The following TAFA4 variants were observed in gnomAD, a reference collection of about 807,000 sequenced individuals.
TAFA4 encodes chemokine-like protein TAFA-4.
A neutral mutation model predicts 21.1 loss-of-function variants in TAFA4; 20 were observed. That is an observed-to-expected ratio of 0.95 (90% confidence interval 0.67 to 1.38). The LOEUF is 1.38. TAFA4 is among the 40% of genes most tolerant of loss of function. The probability of loss-of-function intolerance (pLI) is 0.00; values close to 1 mark genes in which losing one functional copy is unlikely to be tolerated. For synonymous variants in TAFA4, 71 were observed against 67.4 expected, an observed-to-expected ratio of 1.05 and a Z score of -0.26; for missense variants, 211 against 180.9, an observed-to-expected ratio of 1.17 and a Z score of -0.95.
intron 4 of TAFA4, 136 bp from the exon 5 acceptor site, chr3:68,739,335 C>A: frequency 9.5e-7 from 1 of 1,055,610 alleles, no homozygotes; most frequent in Non-Finnish European, 1.4e-6. Context: ...TGAAGGAATC[C>A]AATCAGGCAT....
rs1226688482 is a variant in TAFA4 at position 68,850,468 on chromosome 3, A to G, written c.130+30262T>C. 3.3e-5 allele frequency among the ~76,000 whole-genome samples: 5 copies of G among 152,312 alleles called. No individual in the cohort carries two copies. The South Asian group carries it at 8.3e-4, about 25-fold the overall frequency. On this transcript the variant is annotated intron_variant, in intron 3 of 5. Transcript: ENST00000295569. ...GGTTCCAGATCTTAGAGGAATCACA[A>G]TACTGTCTTCCACAATGGTTGAACT...
chr3:68,844,729 A>G (rs1344386157), intron 3 of TAFA4, among the ~76,000 whole-genome samples: 1 of 152,138 alleles, frequency 6.6e-6, no homozygotes, highest in Non-Finnish European at 1.5e-5. Context: ...CTTTGTTCCC[A>G]TCGGTTTCAA....
intron 3 of TAFA4, among the ~76,000 whole-genome samples, chr3:68,852,002 C>A (rs1163258364): frequency 2.0e-5 from 3 of 152,088 alleles, no homozygotes; most frequent in Non-Finnish European, 4.4e-5. Context: ...TGGGTGGGAG[C>A]CCAGGAATAT....
Position 68,883,298 on chromosome 3 carries a change from T to G in TAFA4, c.14+1877A>C, listed in dbSNP as rs76696603. Among the ~76,000 whole-genome samples the G allele has an allele frequency of 5.1e-3, 774 of 152,342 alleles. 6 individuals are homozygous for G. The East Asian group carries it at 0.051, about 10-fold the overall frequency. On this transcript the variant is annotated intron_variant, in intron 2 of 5. Coordinates refer to ENST00000295569, the MANE Select transcript of TAFA4 (RefSeq NM_182522.5). ...TGACCAGGAACTGCTCTCAAGCCCT[T>G]CATGTCTTTGCCACATGGCCCCTGC...
chr3:68,861,732 T>C (rs930798970), intron 3 of TAFA4, among the ~76,000 whole-genome samples: 3 of 151,822 alleles, frequency 2.0e-5, no homozygotes, highest in African/African-American at 4.8e-5. Context: ...ACTTCAAACA[T>C]TCACTTACTT....
At chr3:68,747,801 T>C (rs1053590573) in intron 4 of TAFA4, among the ~76,000 whole-genome samples, 4 of 152,304 alleles carry the variant, frequency 2.6e-5, no homozygotes, top group East Asian at 1.9e-4. Context: ...CTCTTTTTTA[T>C]TGGCACACTC....
At chr3:68,863,675 C>G (rs911427366) in intron 3 of TAFA4, among the ~76,000 whole-genome samples, 2 of 152,112 alleles carry the variant, frequency 1.3e-5, no homozygotes, top group Non-Finnish European at 2.9e-5. Flanking sequence ...GGTTGATATT[C>G]TTATTATTCA....
intron 3 of TAFA4, among the ~76,000 whole-genome samples, chr3:68,758,260 G>A (rs1702696244): frequency 6.6e-6 from 1 of 152,158 alleles, no homozygotes; most frequent in Admixed American, 6.5e-5. Context: ...TTAGAAATTT[G>A]TGTATTGGTG....
chr3:68,914,917 A>G (rs545822980), intron 1 of TAFA4, among the ~76,000 whole-genome samples: 162 of 152,360 alleles, frequency 1.1e-3, no homozygotes, highest in African/African-American at 3.7e-3. Flanking sequence ...TTCATATTTC[A>G]GTATTCATAA....
intron 3 of TAFA4, among the ~76,000 whole-genome samples, chr3:68,760,839 C>T (rs958511075): frequency 3.9e-5 from 6 of 152,144 alleles, no homozygotes; most frequent in Non-Finnish European, 7.3e-5. Flanking sequence ...GTGTAGAAGA[C>T]GATAGTAGCC....
chr3:68,897,672 A>T (rs1327840251), intron 1 of TAFA4, among the ~76,000 whole-genome samples: 1 of 152,138 alleles, frequency 6.6e-6, no homozygotes, highest in Non-Finnish European at 1.5e-5. Flanking sequence ...CATTTCAATG[A>T]TTATTCTTAA....
chr3:68,831,821 A>G (rs555712016), intron 3 of TAFA4, among the ~76,000 whole-genome samples: 78 of 152,308 alleles, frequency 5.1e-4, no homozygotes, highest in African/African-American at 1.8e-3. Context: ...AGGTACACCA[A>G]TTAAATGTAG....
At chr3:68,921,895 C>A (rs146987131) in intron 1 of TAFA4, among the ~76,000 whole-genome samples, 1 of 152,276 alleles carries the variant, frequency 6.6e-6, no homozygotes, top group Non-Finnish European at 1.5e-5. Context: ...AACAACTATG[C>A]AATTCTTATT....
intron 3 of TAFA4, among the ~76,000 whole-genome samples, chr3:68,858,577 C>CGTGTGTGTGTGTGTGTGTGTGT (rs4065047): frequency 1.4e-5 from 2 of 146,058 alleles, no homozygotes; most frequent in Non-Finnish European, 3.0e-5. Context: ...TTCCAAGTGA[C>CGTGTGTGTGTGTGTGTGTGTGT]GTGTGTGTGT....
At chr3:68,825,682 A>G (rs1704212901) in intron 3 of TAFA4, among the ~76,000 whole-genome samples, 1 of 152,246 alleles carries the variant, frequency 6.6e-6, no homozygotes, top group Admixed American at 6.5e-5. Context: ...AGCATAACTC[A>G]TAAGAATGAA....
At chr3:68,871,720 C>T (rs181724155) in intron 3 of TAFA4, among the ~76,000 whole-genome samples, 3 of 152,130 alleles carry the variant, frequency 2.0e-5, no homozygotes, top group Admixed American at 2.0e-4. Context: ...TAAAAACCAT[C>T]CAGTTTTAAA....
rs117783824 is a variant in TAFA4, at chr3:68,870,680, G to A, written c.130+10050C>T. Among the ~76,000 whole-genome samples, 49 of 152,080 alleles carry A rather than the reference G, an allele frequency of 3.2e-4. No individual in the cohort carries two copies. In the East Asian group the frequency reaches 7.9e-3, roughly 25 times the overall value. ...GGTTTGCTGCATCTATCAGCCAACCGTCTAGGTTTTAAGCCCGGCATGCAT... is the reference window on the plus strand; with the variant it reads ...GGTTTGCTGCATCTATCAGCCAACCATCTAGGTTTTAAGCCCGGCATGCAT... On this transcript the variant is annotated intron_variant, in intron 3 of 5. Coordinates refer to ENST00000295569, the MANE Select transcript of TAFA4 (RefSeq NM_182522.5).
chr3:68,813,214 G>A (rs1703881048), intron 3 of TAFA4, among the ~76,000 whole-genome samples: 1 of 151,974 alleles, frequency 6.6e-6, no homozygotes, highest in Non-Finnish European at 1.5e-5. Flanking sequence ...ATGCCCAAAA[G>A]AGAAGCAGGA....
At chr3:68,813,414 A>AT (rs1478179556) in intron 3 of TAFA4, among the ~76,000 whole-genome samples, 2 of 152,162 alleles carry the variant, frequency 1.3e-5, no homozygotes, top group African/African-American at 2.4e-5. Flanking sequence ...AAATTGATAG[A>AT]CCACTAGCAA....
Sources: allele counts gnomAD v4.1 joint callset (sites outside exome capture counted in the v4.1 genomes callset), GRCh38; gene constraint gnomAD v4.1.1; transcripts MANE v1.5; gene names NCBI Gene and HGNC (gene_info 2026-07-23, HGNC 2026-07-21).